Variants in KCNJ4 observed in about 807,000 individuals in gnomAD.
KCNJ4 encodes the protein inward rectifier potassium channel 4.
In KCNJ4, 3 loss-of-function variants were observed where a neutral mutation model predicts 25.6. The ratio of observed to expected loss-of-function variants is 0.12; its 90% CI spans 0.05 to 0.30. The LOEUF is 0.30. Among genes scored for constraint, KCNJ4 ranks in the 10% least tolerant of loss-of-function variants. The pLI, the probability that KCNJ4 is intolerant of heterozygous loss-of-function variation, is 1.00. For synonymous variants in KCNJ4, 257 were observed against 283.9 expected (o/e 0.91, Z 0.95); for missense variants, 286 against 666.8 (o/e 0.43, Z 6.29).
chr22:38,447,378 G>C (rs887504460), intron 1 of KCNJ4, among the ~76,000 whole-genome samples: 1 of 152,160 alleles, frequency 6.6e-6, no homozygotes, highest in African/African-American at 2.4e-5. Context: ...GAGGTTTGAA[G>C]GATGCCCAAA....
At chr22:38,437,857 C>G (rs527480775) in intron 1 of KCNJ4, among the ~76,000 whole-genome samples, 68 of 152,274 alleles carry the variant, frequency 4.5e-4, no homozygotes, top group African/African-American at 1.5e-3. Context: ...AATCCTAGCA[C>G]TTTGGGAGGC....
At chr22:38,442,323 C>T (rs192921735) in intron 1 of KCNJ4, among the ~76,000 whole-genome samples, 2 of 152,026 alleles carry the variant, frequency 1.3e-5, no homozygotes, top group African/African-American at 2.4e-5. Context: ...CCGAGGCGGG[C>T]GGATCACGAG....
At chr22:38,445,037 C>T (rs1449040637) in intron 1 of KCNJ4, among the ~76,000 whole-genome samples, 1 of 152,046 alleles carries the variant, frequency 6.6e-6, no homozygotes, top group Non-Finnish European at 1.5e-5. Context: ...CTTTGCTGAG[C>T]TCCGTGCACG....
chr22:38,438,983 C>T (rs1198945282), intron 1 of KCNJ4, among the ~76,000 whole-genome samples: 4 of 152,260 alleles, frequency 2.6e-5, no homozygotes, highest in Non-Finnish European at 5.9e-5. Context: ...TGGTGGCTCA[C>T]ACCCATAGTC....
chr22:38,452,123 G>T (rs1300606911), intron 1 of KCNJ4, among the ~76,000 whole-genome samples: 1 of 152,190 alleles, frequency 6.6e-6, no homozygotes, highest in African/African-American at 2.4e-5. Flanking sequence ...GGTCACAGAG[G>T]GTGATTTGAA....
At chr22:38,445,065 G>A (rs570692249) in intron 1 of KCNJ4, among the ~76,000 whole-genome samples, 5 of 150,814 alleles carry the variant, frequency 3.3e-5, no homozygotes, top group Middle Eastern at 3.6e-3. Context: ...GCGTGCATGC[G>A]TGTGTGTGCG....
chr22:38,426,650 G>T lies in KCNJ4; in HGVS notation c.*145C>A. 9.5e-7 allele frequency: 1 copy of T among 1,051,942 alleles called. No homozygotes were observed. The highest frequency in any genetic ancestry group is 1.4e-6 in the Non-Finnish European group (1 of 718,322). The allele number at this position is 1,051,942 out of a possible 1,614,324, so 65.2% of individuals were successfully genotyped here. On this transcript the variant is annotated 3_prime_UTR_variant, in exon 2 of 2. Coordinates refer to ENST00000303592, the MANE Select transcript of KCNJ4 (RefSeq NM_152868.3). ...TGGGTGCTGGAGTCAGGAGGAAGGGGTCCCCCAGTCTTTGAAACCCCCACC... is the reference window on the plus strand; with the variant it reads ...TGGGTGCTGGAGTCAGGAGGAAGGGTTCCCCCAGTCTTTGAAACCCCCACC...
chr22:38,444,391 G>A (rs926801102), intron 1 of KCNJ4, among the ~76,000 whole-genome samples: 10 of 152,212 alleles, frequency 6.6e-5, no homozygotes, highest in African/African-American at 2.2e-4. Context: ...CAGCGGAGGT[G>A]GCCTCTGAGC....
intron 1 of KCNJ4, among the ~76,000 whole-genome samples, chr22:38,437,625 G>A (rs994805025): frequency 2.6e-5 from 4 of 152,192 alleles, no homozygotes; most frequent in Non-Finnish European, 4.4e-5. Flanking sequence ...CATCACAGGC[G>A]GCCGGATGTG....
rs2089353324 is a variant in KCNJ4 at position 38,443,662 on chromosome 22, C to T, written c.-40+11318G>A. On this transcript the variant is annotated intron_variant, in intron 1 of 1. Coordinates refer to ENST00000303592, the MANE Select transcript of KCNJ4 (RefSeq NM_152868.3). This position sits in a 1 kb window ranked among gnomAD's most constrained non-coding sequence, Gnocchi z 4.1. ...CAAGGCAGGTGCTGTCATCATCATC[C>T]CACAGTGGGCTTGGGAGCTTGCCCA... 1.3e-5 allele frequency among the ~76,000 whole-genome samples: 2 copies of T among 152,232 alleles called. No homozygotes were observed. The highest frequency in any genetic ancestry group is 6.5e-5 in the Admixed American group (1 of 15,294).
intron 1 of KCNJ4, among the ~76,000 whole-genome samples, chr22:38,454,755 C>T (rs2145952375): frequency 6.6e-6 from 1 of 152,236 alleles, no homozygotes; most frequent in Admixed American, 6.5e-5. Flanking sequence ...AGGCCACAAC[C>T]CAGACCGCGA....
At position 38,443,518 on chromosome 22, in the gene KCNJ4, G is replaced by C. The variant is rs2089352331; in HGVS notation, c.-40+11462C>G. Among the ~76,000 whole-genome samples, 1 of 152,092 alleles carries C rather than the reference G, an allele frequency of 6.6e-6. No homozygotes were observed. On this transcript the variant is annotated intron_variant, in intron 1 of 1. Transcript: ENST00000303592. This position sits in a 1 kb window ranked among gnomAD's most constrained non-coding sequence, Gnocchi z 4.1. The stretch of plus-strand genomic sequence containing the variant: ...TGACTCCTCCCAGGAGGTCGCTCAG[G>C]CCTGACACCTAGGCATCATCCTCCA...
intron 1 of KCNJ4, among the ~76,000 whole-genome samples, chr22:38,440,162 C>A (rs1775752801): frequency 6.6e-6 from 1 of 151,926 alleles, no homozygotes; most frequent in Admixed American, 6.6e-5. Flanking sequence ...GTAATTCCAA[C>A]ACTTTGGGAG....
rs2145929928 is a variant in KCNJ4 at position 38,427,350 on chromosome 22, A to G, written c.783T>C (p.Ile261=). The change falls in exon 2 of 2, where the codon ATT becomes ATC. Residue 261 remains isoleucine, a synonymous_variant. Coordinates refer to ENST00000303592, the MANE Select transcript of KCNJ4 (RefSeq NM_152868.3). ...DRIFLVSPII[I]VHEIDEDSPL... ...GGCTGTCCTCGTCGATCTCGTGGAC[A>G]ATGATGATGGGCGACACCAGGAAGA... The G allele has an allele frequency of 6.2e-7, 1 of 1,613,960 alleles. No homozygotes were observed. The highest frequency in any genetic ancestry group is 8.5e-7 in the Non-Finnish European group (1 of 1,180,006).
At chr22:38,444,950 C>A in intron 1 of KCNJ4, among the ~76,000 whole-genome samples, 1 of 152,126 alleles carries the variant, frequency 6.6e-6, no homozygotes, top group East Asian at 1.9e-4. Context: ...CCTTGGAGGG[C>A]GGTCTGTAAA....
At position 38,450,231 on chromosome 22, in the gene KCNJ4, C is replaced by A. The variant is rs981593964; in HGVS notation, c.-40+4749G>T. On this transcript the variant is annotated intron_variant, in intron 1 of 1. Coordinates refer to ENST00000303592, the MANE Select transcript of KCNJ4 (RefSeq NM_152868.3). Reference sequence around the variant, plus strand: ...AGAGGAGGCTTAAAGGTTATGCCAACCCCTAGGATTCCCGCCTGCCCCTTG... The same window carrying A: ...AGAGGAGGCTTAAAGGTTATGCCAAACCCTAGGATTCCCGCCTGCCCCTTG... Among the ~76,000 whole-genome samples the A allele has an allele frequency of 2.0e-5, 3 of 152,142 alleles. No individual in the cohort carries two copies. In the South Asian group the frequency reaches 6.2e-4, roughly 32 times the overall value.
intron 1 of KCNJ4, among the ~76,000 whole-genome samples, chr22:38,438,813 C>G (rs1452972275): frequency 1.3e-5 from 2 of 152,166 alleles, no homozygotes; most frequent in Non-Finnish European, 2.9e-5. Flanking sequence ...GTGAGTGGAC[C>G]AGGATGAGGC....
chr22:38,445,280 C>T (rs945107683), intron 1 of KCNJ4, among the ~76,000 whole-genome samples: 34 of 152,086 alleles, frequency 2.2e-4, no homozygotes, highest in African/African-American at 6.3e-4. Flanking sequence ...AAGGGACAGG[C>T]GGCTACTTCT....
chr22:38,446,221 G>A (rs931331525), intron 1 of KCNJ4, among the ~76,000 whole-genome samples: 2 of 152,256 alleles, frequency 1.3e-5, no homozygotes, highest in African/African-American at 4.8e-5. Context: ...TGGCTGGCTG[G>A]CCATTCTCCT....
Sources: allele counts gnomAD v4.1 joint callset (sites outside exome capture counted in the v4.1 genomes callset), GRCh38; gene constraint gnomAD v4.1.1; non-coding constraint Gnocchi (gnomAD v3.1); transcripts MANE v1.5; gene names NCBI Gene and HGNC (gene_info 2026-07-23, HGNC 2026-07-21).